LARGE1: variants seen among roughly 807,000 people sequenced by gnomAD.
The protein encoded by LARGE1 is LARGE xylosyl- and glucuronyltransferase 1.
A neutral mutation model predicts 87.6 loss-of-function variants in LARGE1; 43 were observed. The observed-to-expected ratio is 0.49, with a 90% CI of 0.38 to 0.63. The LOEUF is 0.63. Ranked by LOEUF, LARGE1 falls within the 30% of genes least tolerant of loss-of-function variation. LARGE1 has a pLI of 0.00. For synonymous variants in LARGE1, 434 were observed against 394.6 expected, an observed-to-expected ratio of 1.10 and a Z score of -1.18; for missense variants, 802 against 1,000.2, an observed-to-expected ratio of 0.80 and a Z score of 2.67.
chr22:33,473,415 T>C (rs138355685), intron 6 of LARGE1, among the ~76,000 whole-genome samples: 2,606 of 152,312 alleles, frequency 0.017, 32 homozygotes, highest in Middle Eastern at 0.058. Context: ...AGTGGCACTA[T>C]CTCGGCTCAC....
At chr22:33,911,025 A>G (rs1413949831) in intron 1 of LARGE1, among the ~76,000 whole-genome samples, 1 of 152,206 alleles carries the variant, frequency 6.6e-6, no homozygotes, top group Non-Finnish European at 1.5e-5. Context: ...ACATCTGTGA[A>G]GTGGGAGAGT....
intron 11 of LARGE1, among the ~76,000 whole-genome samples, chr22:33,223,589 C>G (rs1291590686): frequency 6.6e-6 from 1 of 152,068 alleles, no homozygotes; most frequent in African/African-American, 2.4e-5. Flanking sequence ...GTTCTTATAC[C>G]ATATTAGGGA....
intron 2 of LARGE1, among the ~76,000 whole-genome samples, chr22:33,696,552 C>T (rs12166010): frequency 1.8e-4 from 27 of 152,252 alleles, no homozygotes; most frequent in Middle Eastern, 3.4e-3. Flanking sequence ...CCTATCTATT[C>T]AGTTTTATAG....
chr22:33,513,118 T>C (rs1367252891), intron 6 of LARGE1, among the ~76,000 whole-genome samples: 4 of 152,090 alleles, frequency 2.6e-5, no homozygotes, highest in African/African-American at 9.7e-5. Context: ...TGTGTACTGG[T>C]GTGACCATTA....
At chr22:33,214,548 G>A (rs886468917) in intron 11 of LARGE1, among the ~76,000 whole-genome samples, 4 of 151,988 alleles carry the variant, frequency 2.6e-5, no homozygotes, top group Non-Finnish European at 4.4e-5. Flanking sequence ...CATTTAAGCA[G>A]CCCTTCTGAG....
chr22:33,623,313 A>C (rs2079814674), intron 4 of LARGE1, among the ~76,000 whole-genome samples: 1 of 152,120 alleles, frequency 6.6e-6, no homozygotes, highest in Admixed American at 6.5e-5. Context: ...ACTGCAGAGA[A>C]ACAATAACAA....
intron 6 of LARGE1, among the ~76,000 whole-genome samples, chr22:33,555,161 C>CTA (rs1374540678): frequency 6.6e-6 from 1 of 152,058 alleles, no homozygotes; most frequent in Admixed American, 6.5e-5. Flanking sequence ...TATAAATAAT[C>CTA]GAGAGATGAT....
At chr22:33,208,574 C>CT (rs58306311) in intron 11 of LARGE1, among the ~76,000 whole-genome samples, 33,523 of 148,562 alleles carry the variant, frequency 0.23, 3,845 homozygotes, top group Middle Eastern at 0.34. Context: ...AAACAAGTCA[C>CT]TTTTTTTTTT....
intron 11 of LARGE1, among the ~76,000 whole-genome samples, chr22:33,219,623 C>T (rs934144038): frequency 2.0e-5 from 3 of 152,212 alleles, no homozygotes; most frequent in Admixed American, 6.5e-5. Flanking sequence ...CCCAAACTTT[C>T]CATCTCTTCT....
chr22:33,151,817 T>A, the LARGE1 span, among the ~76,000 whole-genome samples: 89 of 152,316 alleles, frequency 5.8e-4, no homozygotes, highest in African/African-American at 2.1e-3. Context: ...TATATATTGT[T>A]GAATTTCTTT....
chr22:33,387,426 C>CAA (rs758366490), intron 7 of LARGE1, among the ~76,000 whole-genome samples: 7,999 of 67,374 alleles, frequency 0.12, 707 homozygotes, highest in African/African-American at 0.25. Flanking sequence ...GACTCTGTCT[C>CAA]AAAAAAAAAA....
intron 6 of LARGE1, among the ~76,000 whole-genome samples, chr22:33,445,794 C>T (rs568818575): frequency 8.5e-5 from 13 of 152,122 alleles, no homozygotes; most frequent in South Asian, 2.1e-4. Flanking sequence ...GGATTATAGG[C>T]GCCTGCCACC....
At chr22:33,660,152 G>C (rs1180549752) in intron 2 of LARGE1, among the ~76,000 whole-genome samples, 1 of 137,104 alleles carries the variant, frequency 7.3e-6, no homozygotes, top group Non-Finnish European at 1.5e-5. Context: ...GTTGGTCTTT[G>C]AACTGCTGTT....
At chr22:33,890,869 T>G (rs564027261) in intron 1 of LARGE1, among the ~76,000 whole-genome samples, 103 of 152,122 alleles carry the variant, frequency 6.8e-4, no homozygotes, top group African/African-American at 2.5e-3. Flanking sequence ...GTTATGAGAC[T>G]ACAGAGACTC....
chr22:33,432,123 C>T, intron 7 of LARGE1, 38 bp downstream of exon 7: 1 of 1,531,242 alleles, frequency 6.5e-7, no homozygotes, highest in Non-Finnish European at 9.1e-7. Flanking sequence ...CCTCATATCA[C>T]CTTCTGCAAC....
chr22:33,319,052 A>C (rs1397153829), intron 10 of LARGE1, among the ~76,000 whole-genome samples: 2 of 152,154 alleles, frequency 1.3e-5, no homozygotes, highest in Non-Finnish European at 2.9e-5. Context: ...TGTGCTATGG[A>C]AGATGATGGC....
intron 12 of LARGE1, among the ~76,000 whole-genome samples, chr22:33,292,468 G>C (rs1211193242): frequency 6.6e-6 from 1 of 152,136 alleles, no homozygotes; most frequent in African/African-American, 2.4e-5. Context: ...AGCAGCTGCA[G>C]GGCCAGGCCA....
At chr22:33,069,761 C>A in the LARGE1 span, among the ~76,000 whole-genome samples, 465 of 148,792 alleles carry the variant, frequency 3.1e-3, 1 homozygote, top group African/African-American at 0.011. Flanking sequence ...TAAAACAAAT[C>A]AAAAAAATAG....
intron 1 of LARGE1, among the ~76,000 whole-genome samples, chr22:33,765,034 C>A (rs1438922027): frequency 6.6e-6 from 1 of 152,174 alleles, no homozygotes; most frequent in African/African-American, 2.4e-5. Flanking sequence ...TAAGTCAAGG[C>A]AACTAGCAGT....
Sources: allele counts gnomAD v4.1 joint callset (sites outside exome capture counted in the v4.1 genomes callset), GRCh38; gene constraint gnomAD v4.1.1; transcripts MANE v1.5; gene names NCBI Gene and HGNC (gene_info 2026-07-23, HGNC 2026-07-21).